The following LRRFIP2 variants were observed in gnomAD, a reference collection of about 807,000 sequenced individuals.
LRRFIP2 encodes leucine-rich repeat flightless-interacting protein 2.
LRRFIP2 carries 109 observed loss-of-function variants against 125.9 expected under a neutral mutation model. The observed-to-expected ratio is 0.87, with a 90% confidence interval of 0.74 to 1.01. LRRFIP2 has a LOEUF of 1.01. Among genes scored for constraint, LRRFIP2 ranks in the 50% least tolerant of loss-of-function variants. LRRFIP2 has a pLI of 0.00. For missense variants in LRRFIP2, 850 were observed against 862.3 expected (o/e 0.99, Z 0.18); for synonymous variants, 291 against 293.1 (o/e 0.99, Z 0.07).
rs575643350 is a variant in LRRFIP2 at position 37,095,160 on chromosome 3, A to C, written c.919-252T>G. ...TCTATAATTCGTAATAACCAAAAAG[A>C]AAATCGTTTTTATGAGGGTTATTTT... is the stretch of plus-strand genomic sequence containing the variant. On this transcript the variant is annotated intron_variant, in intron 16 of 27. Coordinates refer to ENST00000336686, the MANE Select transcript of LRRFIP2 (RefSeq NM_006309.4). Among the ~76,000 whole-genome samples the C allele has an allele frequency of 1.4e-4, 21 of 152,330 alleles. No individual in the cohort carries two copies. The East Asian group carries it at 3.7e-3, about 27-fold the overall frequency.
At chr3:37,099,634 GGATTCCATTTA>G (rs1176522988) in intron 15 of LRRFIP2, among the ~76,000 whole-genome samples, 2 of 152,152 alleles carry the variant, frequency 1.3e-5, no homozygotes, top group African/African-American at 4.8e-5. Context: ...AACTGGCTAA[GGATTCCATTTA>G]GAAATGGGTT....
chr3:37,171,904 T>C (rs548804192), intron 1 of LRRFIP2, among the ~76,000 whole-genome samples: 6 of 152,336 alleles, frequency 3.9e-5, no homozygotes, highest in African/African-American at 1.4e-4. Flanking sequence ...TATATGACAG[T>C]ACCAGTCTTC....
intron 2 of LRRFIP2, among the ~76,000 whole-genome samples, chr3:37,131,889 G>A (rs2095436364): frequency 6.6e-6 from 1 of 152,172 alleles, no homozygotes; most frequent in African/African-American, 2.4e-5. Flanking sequence ...GAGTTAAATA[G>A]TTAACTGCTA....
At chr3:37,163,165 T>C (rs1560150412) in intron 1 of LRRFIP2, among the ~76,000 whole-genome samples, 1 of 152,226 alleles carries the variant, frequency 6.6e-6, no homozygotes. Context: ...GGAAGACTCT[T>C]TTCAGCTTAT....
rs2091471883 is a variant in LRRFIP2, at chr3:37,072,860, T to C, written c.1394A>G (p.Lys465Arg). The C allele has an allele frequency of 6.2e-7, 1 of 1,612,624 alleles. No individual in the cohort carries two copies. The highest frequency in any genetic ancestry group is 2.2e-5 in the East Asian group (1 of 44,824). Residue 465 changes from lysine to arginine, a missense_variant, in exon 21 of 28, where the codon AAA (lysine) becomes AGA (arginine). Transcript: ENST00000336686. ...LIEEKQRMQQ[K>R]IDTMTKEVFD... ...CACCTCTTTTGTCATGGTGTCTATT[T>C]TCTGCTGCATGCGCTGCTTCTCCTG...
At chr3:37,064,937 A>T (rs1051368567) in intron 23 of LRRFIP2, 3 of 152,258 alleles carry the variant, frequency 2.0e-5, no homozygotes, top group Non-Finnish European at 4.4e-5. Flanking sequence ...TCTCTTGCTC[A>T]CCCAGCATCC....
chr3:37,119,865 T>A (rs1463693766), intron 6 of LRRFIP2, among the ~76,000 whole-genome samples: 1 of 152,060 alleles, frequency 6.6e-6, no homozygotes, highest in Non-Finnish European at 1.5e-5. Flanking sequence ...TTTTGCCATG[T>A]TGGCCAGGTT....
intron 15 of LRRFIP2, among the ~76,000 whole-genome samples, chr3:37,097,498 G>A (rs1218905448): frequency 6.6e-6 from 1 of 151,976 alleles, no homozygotes; most frequent in African/African-American, 2.4e-5. Flanking sequence ...GTTCTTTTCT[G>A]TACTCCTAGT....
At chr3:37,089,332 T>C (rs1379737354) in intron 18 of LRRFIP2, among the ~76,000 whole-genome samples, 1 of 152,194 alleles carries the variant, frequency 6.6e-6, no homozygotes, top group Non-Finnish European at 1.5e-5. Context: ...TATATACTAG[T>C]ACAGCATGGG....
chr3:37,167,378 G>A (rs897195779), intron 1 of LRRFIP2, among the ~76,000 whole-genome samples: 9 of 151,862 alleles, frequency 5.9e-5, no homozygotes, highest in African/African-American at 1.2e-4. Flanking sequence ...CAAGCAGGCC[G>A]GGTGCAGTGG....
chr3:37,072,859 T>A lies in LRRFIP2; in HGVS notation c.1395A>T (p.Lys465Asn), dbSNP rs1270909374. 1 of 1,612,760 alleles carries A rather than the reference T, an allele frequency of 6.2e-7. No individual in the cohort carries two copies. Among genetic ancestry groups the A allele is most frequent in the African/African-American group, 1.3e-5 (1 of 74,880 alleles). Residue 465 changes from lysine to asparagine, a missense_variant, in exon 21 of 28, where the codon AAA becomes AAT. Physicochemically the swap from Lys to Asn is moderately conservative, Grantham distance 94 (BLOSUM62 0). Coordinates refer to ENST00000336686, the MANE Select transcript of LRRFIP2 (RefSeq NM_006309.4). ...ACACCTCTTTTGTCATGGTGTCTAT[T>A]TTCTGCTGCATGCGCTGCTTCTCCT... is the stretch of plus-strand genomic sequence containing the variant. The part of the protein sequence containing the change: ...LIEEKQRMQQ[K>N]IDTMTKEVFD...
intron 1 of LRRFIP2, among the ~76,000 whole-genome samples, chr3:37,171,522 C>T (rs749831509): frequency 1.4e-4 from 22 of 152,002 alleles, no homozygotes; most frequent in Non-Finnish European, 2.4e-4. Context: ...CCACAAGTAA[C>T]CTATATAACA....
chr3:37,134,554 A>G (rs2885608), intron 2 of LRRFIP2: 174,547 of 443,714 alleles, frequency 0.39, 36,660 homozygotes, highest in Non-Finnish European at 0.45. Context: ...CAGAGCCGGT[A>G]TGAGATGAGA....
At chr3:37,068,402 C>T (rs369897075) in intron 21 of LRRFIP2, 4 of 152,196 alleles carry the variant, frequency 2.6e-5, no homozygotes, top group East Asian at 1.9e-4. Context: ...TCTTCCACAT[C>T]GTATTGCACT....
intron 24 of LRRFIP2, among the ~76,000 whole-genome samples, chr3:37,059,456 A>T (rs1307523464): frequency 6.6e-6 from 1 of 152,210 alleles, no homozygotes; most frequent in Non-Finnish European, 1.5e-5. Context: ...ACTTTTAGAC[A>T]TAGGTTAAAT....
At chr3:37,129,314 A>G (rs1422251562) in intron 2 of LRRFIP2, among the ~76,000 whole-genome samples, 165 bp from the exon 3 acceptor site, 1 of 152,340 alleles carries the variant, frequency 6.6e-6, no homozygotes, top group East Asian at 1.9e-4. Context: ...CAACTCTTAT[A>G]AACTCATTTC....
intron 2 of LRRFIP2, among the ~76,000 whole-genome samples, chr3:37,135,770 T>TA (rs1490919090): frequency 6.6e-6 from 1 of 152,160 alleles, no homozygotes; most frequent in African/African-American, 2.4e-5. Context: ...ATTGCTATGA[T>TA]AAAAAATGTT....
Position 37,076,756 on chromosome 3 carries a change from C to T in LRRFIP2, c.1279-1640G>A, listed in dbSNP as rs528792569. 9.7e-4 allele frequency among the ~76,000 whole-genome samples: 148 copies of T among 151,946 alleles called. 3 individuals are homozygous for T. In the South Asian group the frequency reaches 0.03, roughly 31 times the overall value. On this transcript the variant is annotated intron_variant, in intron 19 of 27. Transcript: ENST00000336686. ...TGGTGCATGCCTGTAATCCCAGCTA[C>T]TCGGGAGGCTGAGGCAGGAGAATTG... is the stretch of plus-strand genomic sequence containing the variant.
chr3:37,058,287 T>C (rs1463011595), intron 25 of LRRFIP2, among the ~76,000 whole-genome samples: 1 of 152,240 alleles, frequency 6.6e-6, no homozygotes, highest in African/African-American at 2.4e-5. Context: ...CACAGGCTAG[T>C]GGAGCCTCTA....
Sources: gnomAD v4.1 joint callset for allele counts (sites outside exome capture counted in the v4.1 genomes callset) on GRCh38, gnomAD v4.1.1 for gene constraint, MANE v1.5 for transcripts, NCBI Gene and HGNC (gene_info 2026-07-23, HGNC 2026-07-21) for gene names.